The following ADK variants were observed in gnomAD, a reference collection of about 807,000 sequenced individuals.
ADK encodes N6,N6-dimethyladenosine kinase.
Under a neutral mutation model 44.7 loss-of-function variants are expected in ADK, and 24 were observed. That is an observed-to-expected ratio of 0.54 (90% CI 0.39 to 0.76). The LOEUF is 0.76. Among genes scored for constraint, ADK ranks in the 30% least tolerant of loss-of-function variants. The probability of loss-of-function intolerance (pLI) is 0.00; values close to 1 mark genes in which losing one functional copy is unlikely to be tolerated. For synonymous variants in ADK, 128 were observed against 142.6 expected (o/e 0.90, Z 0.73); for missense variants, 321 against 425.1 (o/e 0.76, Z 2.15).
chr10:74,499,725 G>A (rs1847827431), intron 6 of ADK, among the ~76,000 whole-genome samples: 1 of 151,958 alleles, frequency 6.6e-6, no homozygotes, highest in Non-Finnish European at 1.5e-5. Flanking sequence ...CTTCAAGCAT[G>A]AAAAGTAGAT....
rs374905758 is a variant in ADK, at chr10:74,688,652, C to T, written c.964+18383C>T. 6.6e-5 allele frequency among the ~76,000 whole-genome samples: 10 copies of T among 152,268 alleles called. No homozygotes were observed. In the South Asian group the frequency reaches 1.5e-3, roughly 22 times the overall value. On this transcript the variant is annotated intron_variant, in intron 10 of 10. Coordinates refer to ENST00000539909, the MANE Select transcript of ADK (RefSeq NM_006721.4). ...ACGCTAGGCCAGGTGCAGTGGCTTA[C>T]GCGTGTAATCCCAGCACTTTAAGAG...
intron 9 of ADK, among the ~76,000 whole-genome samples, chr10:74,654,291 G>A (rs993810025): frequency 6.6e-6 from 1 of 152,212 alleles, no homozygotes. Flanking sequence ...TAAAAAGAAA[G>A]CACCTGATGT....
intron 6 of ADK, among the ~76,000 whole-genome samples, chr10:74,479,117 A>G (rs1421159975): frequency 6.6e-6 from 1 of 151,726 alleles, no homozygotes; most frequent in African/African-American, 2.4e-5. Context: ...TCCCACCTCA[A>G]CTTCCCAAGT....
chr10:74,652,481 C>G (rs1854309606), intron 9 of ADK, among the ~76,000 whole-genome samples: 1 of 151,928 alleles, frequency 6.6e-6, no homozygotes. Context: ...AGCCTGTAGG[C>G]CAGGTGTGGT....
At chr10:74,437,497 G>A (rs557259780) in intron 6 of ADK, among the ~76,000 whole-genome samples, 17 of 152,050 alleles carry the variant, frequency 1.1e-4, no homozygotes, top group Non-Finnish European at 2.1e-4. Context: ...ATGTGCCCTA[G>A]CCAAACCCTA....
At chr10:74,155,816 G>C (rs764371713) in intron 1 of ADK, among the ~76,000 whole-genome samples, 1 of 152,192 alleles carries the variant, frequency 6.6e-6, no homozygotes, top group Admixed American at 6.5e-5. Flanking sequence ...ACAGGGGTGA[G>C]CCACCGTGCC....
At chr10:74,174,065 G>C (rs1181922637) in intron 1 of ADK, among the ~76,000 whole-genome samples, 2 of 151,898 alleles carry the variant, frequency 1.3e-5, no homozygotes, top group Non-Finnish European at 2.9e-5. Flanking sequence ...CATTTTGGGA[G>C]GCTGAGGTGG....
rs151314656 is a variant in ADK at position 74,611,844 on chromosome 10, A to G, written c.877+11351A>G. On this transcript the variant is annotated intron_variant, in intron 9 of 10. Coordinates refer to ENST00000539909, the MANE Select transcript of ADK (RefSeq NM_006721.4). ...GGCTGCATAGTATTACATGGTGTAT[A>G]TGTACCACACTTTCTTTATCCAATC... is the stretch of plus-strand genomic sequence containing the variant. 4.7e-3 allele frequency among the ~76,000 whole-genome samples: 712 copies of G among 152,274 alleles called. 2 individuals are homozygous for G. The highest frequency in any genetic ancestry group is 0.015 in the African/African-American group (613 of 41,562).
At chr10:74,308,325 T>A (rs1840323423) in intron 3 of ADK, among the ~76,000 whole-genome samples, 1 of 152,216 alleles carries the variant, frequency 6.6e-6, no homozygotes, top group African/African-American at 2.4e-5. Flanking sequence ...TAAATTACAA[T>A]CCTTATGAAC....
chr10:74,201,342 CAGTT>C (rs1843372481), intron 2 of ADK, among the ~76,000 whole-genome samples: 1 of 152,166 alleles, frequency 6.6e-6, no homozygotes, highest in South Asian at 2.1e-4. Flanking sequence ...GCTGAGAAAT[CAGTT>C]TGTTTATTTA....
At chr10:74,292,889 C>G (rs532511795) in intron 3 of ADK, among the ~76,000 whole-genome samples, 1 of 152,202 alleles carries the variant, frequency 6.6e-6, no homozygotes, top group East Asian at 1.9e-4. Flanking sequence ...AATATCTTGT[C>G]AGCACAACAG....
chr10:74,687,464 A>C (rs116415953), intron 10 of ADK, among the ~76,000 whole-genome samples: 247 of 152,282 alleles, frequency 1.6e-3, no homozygotes, highest in African/African-American at 5.7e-3. Flanking sequence ...CGAGATGCCT[A>C]CCCTTTGTTC....
intron 9 of ADK, chr10:74,655,557 C>G: frequency 2.0e-6 from 1 of 489,998 alleles, no homozygotes. Context: ...CCTTGGCTGG[C>G]TGGCCCCAAG....
At chr10:74,382,960 C>A (rs990054096) in intron 4 of ADK, among the ~76,000 whole-genome samples, 3 of 151,830 alleles carry the variant, frequency 2.0e-5, no homozygotes, top group African/African-American at 7.2e-5. Context: ...ATTTTCCCCC[C>A]CTCCTCTCAC....
At chr10:74,253,386 C>A (rs888071486) in intron 3 of ADK, among the ~76,000 whole-genome samples, 2 of 152,090 alleles carry the variant, frequency 1.3e-5, no homozygotes, top group African/African-American at 4.8e-5. Context: ...GTGGTGGTAA[C>A]TCCTGGGTGT....
Position 74,696,130 on chromosome 10 carries a change from C to T in ADK, c.965-12191C>T, listed in dbSNP as rs1856191331. The stretch of plus-strand genomic sequence containing the variant: ...CCACCTCCCGGATTCAAGCAATTCT[C>T]ATCCCTTAGCCAACCGAATAGCTAG... On this transcript the variant is annotated intron_variant, in intron 10 of 10. Transcript: ENST00000539909. Among the ~76,000 whole-genome samples the T allele has an allele frequency of 3.3e-5, 5 of 152,198 alleles. No individual in the cohort carries two copies. The South Asian group carries it at 1.0e-3, about 32-fold the overall frequency.
In ADK at chr10:74,678,585, CACAG is replaced by C. The variant is rs1855490508; in HGVS notation, c.964+8321_964+8324del. On this transcript the variant is annotated intron_variant, in intron 10 of 10. Transcript: ENST00000539909. ...TTATCTTCTGGGAATGTGGATAAGA[CACAG>C]ACAGTCTGAACCATGTAGGCTATCA... Among the ~76,000 whole-genome samples the C allele has an allele frequency of 5.3e-5, 8 of 152,302 alleles. No homozygotes were observed. In the South Asian group the frequency reaches 1.7e-3, roughly 32 times the overall value.
intron 3 of ADK, among the ~76,000 whole-genome samples, chr10:74,229,025 AGT>A (rs1250727965): frequency 6.6e-6 from 1 of 152,178 alleles, no homozygotes; most frequent in African/African-American, 2.4e-5. Context: ...CTAAATATGA[AGT>A]GTATTTTCCC....
At chr10:74,252,378 G>GT (rs1364079034) in intron 3 of ADK, among the ~76,000 whole-genome samples, 2 of 152,116 alleles carry the variant, frequency 1.3e-5, no homozygotes, top group Non-Finnish European at 2.9e-5. Context: ...GCTACTAACA[G>GT]TTTTTTTCTT....
Sources: gnomAD v4.1 joint callset for allele counts (sites outside exome capture counted in the v4.1 genomes callset) on GRCh38, gnomAD v4.1.1 for gene constraint, MANE v1.5 for transcripts, NCBI Gene and HGNC (gene_info 2026-07-23, HGNC 2026-07-21) for gene names.